SLC35G2: variants seen among roughly 807,000 people sequenced by gnomAD.
SLC35G2 encodes the protein transmembrane protein 22.
Under a neutral mutation model 27.2 loss-of-function variants are expected in SLC35G2, and 20 were observed. The observed-to-expected ratio is 0.74, with a 90% CI of 0.52 to 1.07. The LOEUF is 1.07. SLC35G2 is among the 50% of genes least tolerant of loss of function. The probability of loss-of-function intolerance (pLI) is 0.00; values close to 1 mark genes in which losing one functional copy is unlikely to be tolerated. For synonymous variants in SLC35G2, 148 were observed against 165.3 expected (o/e 0.90, Z 0.80); for missense variants, 416 against 493.3 (o/e 0.84, Z 1.48).
At chr3:136,837,759 A>C (rs1361178018) in intron 1 of SLC35G2, 1 of 152,016 alleles carries the variant, frequency 6.6e-6, no homozygotes, top group Non-Finnish European at 1.5e-5. Flanking sequence ...TGATCTTAGG[A>C]TATATCCCTG....
intron 1 of SLC35G2, among the ~76,000 whole-genome samples, chr3:136,834,183 A>G (rs1213267293): frequency 6.6e-6 from 1 of 152,170 alleles, no homozygotes; most frequent in African/African-American, 2.4e-5. Flanking sequence ...ATAAAACATT[A>G]TATGAACAGT....
chr3:136,837,467 G>T (rs1161209372), intron 1 of SLC35G2: 3 of 152,052 alleles, frequency 2.0e-5, no homozygotes, highest in Non-Finnish European at 4.4e-5. Flanking sequence ...AGAAAAGAGA[G>T]AAAATACCAT....
At chr3:136,830,344 G>A (rs1403626845) in intron 1 of SLC35G2, among the ~76,000 whole-genome samples, 3 of 151,796 alleles carry the variant, frequency 2.0e-5, no homozygotes, top group Non-Finnish European at 4.4e-5. Context: ...GTGCAGTGGC[G>A]CCATCTCGGC....
chr3:136,844,404 G>A (rs554307802), intron 1 of SLC35G2, among the ~76,000 whole-genome samples: 2 of 151,366 alleles, frequency 1.3e-5, no homozygotes, highest in Non-Finnish European at 2.9e-5. Context: ...CAGGAGAATT[G>A]CTTGAACCTG....
At chr3:136,832,694 G>A (rs577990699) in intron 1 of SLC35G2, among the ~76,000 whole-genome samples, 43 of 152,364 alleles carry the variant, frequency 2.8e-4, no homozygotes, top group African/African-American at 9.6e-4. Context: ...GATAGCTGAT[G>A]TGATGTCAGA....
At chr3:136,830,048 A>C (rs1936684594) in intron 1 of SLC35G2, among the ~76,000 whole-genome samples, 1 of 150,612 alleles carries the variant, frequency 6.6e-6, no homozygotes, top group Non-Finnish European at 1.5e-5. Flanking sequence ...AAGGCCAATA[A>C]CTCTGAGATT....
At chr3:136,846,918 C>A (rs556753202) in intron 1 of SLC35G2, among the ~76,000 whole-genome samples, 1 of 152,096 alleles carries the variant, frequency 6.6e-6, no homozygotes, top group Non-Finnish European at 1.5e-5. Flanking sequence ...ACCTGTAATC[C>A]CAGTACTTTG....
At chr3:136,826,350 T>C (rs1257428920) in intron 1 of SLC35G2, among the ~76,000 whole-genome samples, 2 of 152,240 alleles carry the variant, frequency 1.3e-5, no homozygotes, top group Admixed American at 6.5e-5. Context: ...CTTTTCTTTA[T>C]GGGGAGGAAA....
At chr3:136,840,231 C>T (rs780551715) in intron 1 of SLC35G2, among the ~76,000 whole-genome samples, 5 of 152,152 alleles carry the variant, frequency 3.3e-5, no homozygotes, top group Non-Finnish European at 7.3e-5. Flanking sequence ...CCCAGGTAGC[C>T]CTCTTTTAAG....
chr3:136,848,634 A>G (rs1250684248), intron 1 of SLC35G2, among the ~76,000 whole-genome samples: 4 of 152,192 alleles, frequency 2.6e-5, no homozygotes, highest in African/African-American at 9.7e-5. Context: ...TTGCAGCAAC[A>G]TGGATAGAGC....
chr3:136,850,796 C>A (rs1162898552), intron 1 of SLC35G2, among the ~76,000 whole-genome samples: 2 of 151,704 alleles, frequency 1.3e-5, no homozygotes, highest in Non-Finnish European at 2.9e-5. Flanking sequence ...GAGTTTGAGA[C>A]CATCGTGGGC....
intron 1 of SLC35G2, among the ~76,000 whole-genome samples, chr3:136,834,324 TTG>T (rs1201821878): frequency 6.6e-6 from 1 of 152,128 alleles, no homozygotes; most frequent in Non-Finnish European, 1.5e-5. Context: ...TTCAGATGAA[TTG>T]TGTGTTTATT....
chr3:136,823,457 G>A (rs1396464645), intron 1 of SLC35G2, among the ~76,000 whole-genome samples: 4 of 152,170 alleles, frequency 2.6e-5, no homozygotes. Context: ...GCCTATGCTG[G>A]TGTGGCATTA....
Position 136,819,140 on chromosome 3 carries a change from C to G in SLC35G2, c.-507C>G, listed in dbSNP as rs1023434971. 6.6e-6 allele frequency: 1 copy of G among 152,212 alleles called. No homozygotes were observed. Among genetic ancestry groups the G allele is most frequent in the Non-Finnish European group, 1.5e-5 (1 of 68,034 alleles). 9.4% of individuals were successfully genotyped at this position (152,212 alleles called of 1,614,324 possible). A position where few individuals can be genotyped will look rare whatever the true frequency, so the allele number is the denominator to read the frequency against. On this transcript the variant is annotated 5_prime_UTR_variant, in exon 1 of 2. Transcript: ENST00000446465. ...CCCTCCGCAGTACTCCGGGCAGCGC[C>G]CGCCTCGATTTTCCCAGGCGAGGGC... is the stretch of plus-strand genomic sequence containing the variant.
At chr3:136,849,178 C>CAAAAA (rs959103048) in intron 1 of SLC35G2, among the ~76,000 whole-genome samples, 1 of 122,972 alleles carries the variant, frequency 8.1e-6, no homozygotes. Context: ...AACTCCGTCT[C>CAAAAA]AAAAAAAAAA....
chr3:136,834,238 G>A (rs1049951784), intron 1 of SLC35G2, among the ~76,000 whole-genome samples: 1 of 152,150 alleles, frequency 6.6e-6, no homozygotes, highest in Non-Finnish European at 1.5e-5. Context: ...TAGCATGTCA[G>A]ATGCAAGTAA....
Position 136,855,279 on chromosome 3 carries a change from A to C in SLC35G2, c.819A>C (p.Ile273=). The C allele has an allele frequency of 6.2e-7, 1 of 1,614,200 alleles. No homozygotes were observed. The highest frequency in any genetic ancestry group is 1.1e-5 in the South Asian group (1 of 91,084). The stretch of plus-strand genomic sequence containing the variant: ...GACTGACCACTGCTCTCTCAATGAT[A>C]GTATACAGATCCATCAAGGAGAAGA... ...MAGLTTALSM[I]VYRSIKEKIS... is the part of the protein sequence containing the mutation. The change falls in exon 2 of 2, where the codon ATA becomes ATC. Residue 273 remains isoleucine, a synonymous_variant. Coordinates refer to ENST00000446465, the MANE Select transcript of SLC35G2 (RefSeq NM_025246.3).
chr3:136,847,615 G>A (rs1396931459), intron 1 of SLC35G2, among the ~76,000 whole-genome samples: 1 of 151,702 alleles, frequency 6.6e-6, no homozygotes, highest in African/African-American at 2.4e-5. Context: ...TTATGTTCTT[G>A]TGGGGGCTGG....
At chr3:136,834,342 T>C (rs1231292318) in intron 1 of SLC35G2, among the ~76,000 whole-genome samples, 1 of 152,214 alleles carries the variant, frequency 6.6e-6, no homozygotes, top group Non-Finnish European at 1.5e-5. Context: ...TTATTATTTA[T>C]TTATTTTTGA....
Sources: allele counts gnomAD v4.1 joint callset (sites outside exome capture counted in the v4.1 genomes callset), GRCh38; gene constraint gnomAD v4.1.1; transcripts MANE v1.5; gene names NCBI Gene and HGNC (gene_info 2026-07-23, HGNC 2026-07-21).